FHIT: variants seen among roughly 807,000 people sequenced by gnomAD.
FHIT encodes fragile histidine triad diadenosine triphosphatase.
FHIT carries 19 observed loss-of-function variants against 17.9 expected under a neutral mutation model. The ratio of observed to expected loss-of-function variants is 1.06; its 90% confidence interval spans 0.74 to 1.56. The LOEUF (loss-of-function observed/expected upper bound fraction) is 1.56, where lower values mean the gene tolerates loss of function less well. Among genes scored for constraint, FHIT ranks in the 40% most tolerant of loss-of-function variants. The pLI is 0.00. For synonymous variants in FHIT, 81 were observed against 69.7 expected, an observed-to-expected ratio of 1.16 and a Z score of -0.81; for missense variants, 248 against 189.2, an observed-to-expected ratio of 1.31 and a Z score of -1.82.
chr3:61,226,101 T>C (rs183249160), intron 1 of FHIT, among the ~76,000 whole-genome samples: 1 of 152,296 alleles, frequency 6.6e-6, no homozygotes, highest in African/African-American at 2.4e-5. Context: ...CTAAAACAGT[T>C]TTCTTCCCTG....
At chr3:61,033,015 CAGTGAATTTGCCATTTCTGCACGTT>C (rs1161139520) in intron 3 of FHIT, among the ~76,000 whole-genome samples, 1 of 152,218 alleles carries the variant, frequency 6.6e-6, no homozygotes, top group Non-Finnish European at 1.5e-5. Context: ...CAAACAGAGA[CAGTGAATTTGCCATTTCTGCACGTT>C]TTGTTCTATT....
intron 5 of FHIT, among the ~76,000 whole-genome samples, chr3:60,516,001 C>G (rs943163457): frequency 6.6e-6 from 1 of 152,104 alleles, no homozygotes; most frequent in African/African-American, 2.4e-5. Flanking sequence ...TAAGTGAACA[C>G]TCAAGTTGAT....
At chr3:60,914,375 T>G (rs1012614239) in intron 3 of FHIT, among the ~76,000 whole-genome samples, 1 of 152,156 alleles carries the variant, frequency 6.6e-6, no homozygotes, top group African/African-American at 2.4e-5. Flanking sequence ...CCTAAGGCCA[T>G]GAACCATTTA....
intron 7 of FHIT, among the ~76,000 whole-genome samples, chr3:59,996,142 C>G (rs1699502167): frequency 6.6e-6 from 1 of 152,114 alleles, no homozygotes; most frequent in Non-Finnish European, 1.5e-5. Context: ...GCAGAGACCT[C>G]CCCATTCGTG....
rs544417262 is a variant in FHIT at position 60,400,286 on chromosome 3, G to C, written c.103+136574C>G. On this transcript the variant is annotated intron_variant, in intron 5 of 9. Transcript: ENST00000492590. ...CATGGAGACATGGAGAACAGAGGAG[G>C]TGAAAGAAGCCCTGTAATGTGAAGC... Among the ~76,000 whole-genome samples the C allele has an allele frequency of 4.6e-5, 7 of 152,192 alleles. No homozygotes were observed. In the South Asian group the frequency reaches 1.0e-3, roughly 23 times the overall value.
intron 5 of FHIT, among the ~76,000 whole-genome samples, chr3:60,294,503 C>G (rs1708122975): frequency 6.6e-6 from 1 of 152,106 alleles, no homozygotes; most frequent in Admixed American, 6.6e-5. Context: ...TTCTAAACAC[C>G]AAGAGGCATG....
intron 4 of FHIT, among the ~76,000 whole-genome samples, chr3:60,798,998 A>G (rs546553202): frequency 1.5e-4 from 23 of 152,056 alleles, no homozygotes; most frequent in African/African-American, 5.3e-4. Context: ...TACTGTACCC[A>G]CTGTACCCAG....
intron 4 of FHIT, among the ~76,000 whole-genome samples, chr3:60,803,969 C>T (rs1345469693): frequency 6.6e-6 from 1 of 152,164 alleles, no homozygotes; most frequent in African/African-American, 2.4e-5. Context: ...AGGTCTGGCA[C>T]CCCAGGGGCT....
chr3:60,271,336 G>C (rs1485446138), intron 5 of FHIT, among the ~76,000 whole-genome samples: 2 of 152,174 alleles, frequency 1.3e-5, no homozygotes, highest in African/African-American at 4.8e-5. Context: ...CCAGGAGGCA[G>C]AGGTTGCAGT....
chr3:61,135,457 G>T (rs1212727108), intron 2 of FHIT, among the ~76,000 whole-genome samples: 1 of 152,104 alleles, frequency 6.6e-6, no homozygotes, highest in East Asian at 1.9e-4. Context: ...TAGTATTGTT[G>T]TTCCCATTTT....
At chr3:60,975,465 A>T (rs1242271832) in intron 3 of FHIT, among the ~76,000 whole-genome samples, 1 of 152,214 alleles carries the variant, frequency 6.6e-6, no homozygotes, top group Non-Finnish European at 1.5e-5. Flanking sequence ...ACAACTAATC[A>T]CTGTCTCCAG....
At chr3:60,415,879 T>G (rs1456899789) in intron 5 of FHIT, among the ~76,000 whole-genome samples, 3 of 38,808 alleles carry the variant, frequency 7.7e-5, no homozygotes, top group African/African-American at 1.1e-4. Flanking sequence ...ATAATACTAT[T>G]ATATATTATT....
chr3:60,157,272 G>T (rs1433281523), intron 5 of FHIT, among the ~76,000 whole-genome samples: 1 of 152,124 alleles, frequency 6.6e-6, no homozygotes, highest in African/African-American at 2.4e-5. Flanking sequence ...GTCGGCCAAG[G>T]ATGTGGGACT....
intron 5 of FHIT, among the ~76,000 whole-genome samples, chr3:60,281,934 A>T (rs981511989): frequency 6.6e-6 from 1 of 152,182 alleles, no homozygotes; most frequent in Non-Finnish European, 1.5e-5. Context: ...TCATTAGGGG[A>T]TTACAAATTA....
intron 5 of FHIT, among the ~76,000 whole-genome samples, chr3:60,218,273 A>T (rs890587119): frequency 6.6e-6 from 1 of 152,160 alleles, no homozygotes; most frequent in African/African-American, 2.4e-5. Context: ...CTTTAGGAAT[A>T]CTTAAAATTG....
chr3:59,911,028 A>G (rs763413261), intron 8 of FHIT, among the ~76,000 whole-genome samples: 1 of 152,218 alleles, frequency 6.6e-6, no homozygotes, highest in Non-Finnish European at 1.5e-5. Flanking sequence ...TTTTTGAAAT[A>G]TAACTTTTCT....
At position 60,248,969 on chromosome 3, in the gene FHIT, C is replaced by T. The variant is rs115579062; in HGVS notation, c.104-234817G>A. Among the ~76,000 whole-genome samples the T allele has an allele frequency of 7.6e-3, 1,150 of 152,238 alleles. 10 individuals are homozygous for T. Among genetic ancestry groups the T allele is most frequent in the African/African-American group, 0.026 (1,074 of 41,564 alleles). ...GAAAATAATTCTTATCTTCCTTTAG[C>T]CTGCCTACAGAGTTCACTTACTTTT... On this transcript the variant is annotated intron_variant, in intron 5 of 9. Transcript: ENST00000492590.
At chr3:60,214,127 C>G (rs114200015) in intron 5 of FHIT, among the ~76,000 whole-genome samples, 250 of 152,176 alleles carry the variant, frequency 1.6e-3, no homozygotes, top group Middle Eastern at 6.8e-3. Context: ...ACAGAAGGTC[C>G]AAGATTTCAT....
intron 4 of FHIT, among the ~76,000 whole-genome samples, chr3:60,784,001 C>T (rs1323461584): frequency 4.6e-5 from 7 of 152,176 alleles, no homozygotes; most frequent in Admixed American, 2.6e-4. Flanking sequence ...CACCCCTGGC[C>T]TCAGGAGTTT....
Sources: allele counts gnomAD v4.1 joint callset (sites outside exome capture counted in the v4.1 genomes callset), GRCh38; gene constraint gnomAD v4.1.1; transcripts MANE v1.5; gene names NCBI Gene and HGNC (gene_info 2026-07-23, HGNC 2026-07-21).